Variants in KCNAB3 observed in about 807,000 individuals in gnomAD.
KCNAB3 encodes the protein voltage-gated potassium channel subunit beta-3.
In KCNAB3, 62 loss-of-function variants were observed where a neutral mutation model predicts 67.7. That is an observed-to-expected ratio of 0.92 (90% CI 0.75 to 1.13). The LOEUF is 1.13. Among genes scored for constraint, KCNAB3 ranks in the 50% most tolerant of loss-of-function variants. The probability of loss-of-function intolerance (pLI) is 0.00; values close to 1 mark genes in which losing one functional copy is unlikely to be tolerated. For missense variants in KCNAB3, 514 were observed against 522.9 expected (o/e 0.98, Z 0.17); for synonymous variants, 212 against 205.4 (o/e 1.03, Z -0.27).
At chr17:7,923,571 G>C (rs1163246152) in intron 12 of KCNAB3, 27 bp from the exon 13 acceptor site, 1 of 1,577,456 alleles carries the variant, frequency 6.3e-7, no homozygotes, top group Admixed American at 1.8e-5. Flanking sequence ...AAAAAAAGAG[G>C]ACTGATGGGG....
chr17:7,923,558 AG>A lies in KCNAB3; in HGVS notation c.1049-15del. On this transcript the variant is annotated splice_polypyrimidine_tract_variant and intron_variant, in intron 12 of 13. Coordinates refer to ENST00000303790, the MANE Select transcript of KCNAB3 (RefSeq NM_004732.4). Reference sequence around the variant, plus strand: ...GGAGACACCACGCTGGGGCCAGAGGAGGAAAAAAAGAGGACTGATGGGGAAC... The same window carrying A: ...GGAGACACCACGCTGGGGCCAGAGGAGAAAAAAAGAGGACTGATGGGGAAC... The A allele has an allele frequency of 6.3e-7, 1 of 1,592,010 alleles. No homozygotes were observed. The highest frequency in any genetic ancestry group is 8.6e-7 in the Non-Finnish European group (1 of 1,169,126).
At position 7,924,272 on chromosome 17, in the gene KCNAB3, T is replaced by C; in HGVS notation, c.712-7A>G. 1 of 1,614,040 alleles carries C rather than the reference T, an allele frequency of 6.2e-7. No individual in the cohort carries two copies. Among genetic ancestry groups the C allele is most frequent in the South Asian group, 1.1e-5 (1 of 91,070 alleles). ...TGGCCATGGAGTAGGCCTCCTGGGT[T>C]GGGGTTGGGGAAAAGAAAGTGGTCA... On this transcript the variant is annotated splice_polypyrimidine_tract_variant and splice_region_variant and intron_variant, in intron 9 of 13. Coordinates refer to ENST00000303790, the MANE Select transcript of KCNAB3 (RefSeq NM_004732.4).
rs745769678 is a variant in KCNAB3 at position 7,929,418 on chromosome 17, C to T, written c.18G>A (p.Ala6=). 29 of 1,547,926 alleles carry T rather than the reference C, an allele frequency of 1.9e-5. No individual in the cohort carries two copies. Among genetic ancestry groups the T allele is most frequent in the Non-Finnish European group, 2.4e-5 (28 of 1,146,358 alleles). Residue 6 remains alanine (A), a synonymous_variant, in exon 1 of 14, where the codon GCG becomes GCA. Coordinates refer to ENST00000303790, the MANE Select transcript of KCNAB3 (RefSeq NM_004732.4). This position sits in a 1 kb window ranked among gnomAD's most constrained non-coding sequence, Gnocchi z 5.7. ...GGCTGCGAAGGTTCTGCTCGGTACA[C>T]GCGATAGACACCTGCATGCTGGCTG... The part of the protein sequence containing the change: MQVSI[A]CTEQNLRSRS...
Position 7,923,071 on chromosome 17 carries a change from C to T in KCNAB3, c.*31G>A, listed in dbSNP as rs780625367. The T allele has an allele frequency of 1.2e-6, 2 of 1,607,758 alleles. No homozygotes were observed. The highest frequency in any genetic ancestry group is 1.7e-6 in the Non-Finnish European group (2 of 1,174,372). ...AGCGGGGCTCGGGCGGGTGCAGCGA[C>T]ACCGGGTTGGGTCCCTGCGCCCGCG... On this transcript the variant is annotated 3_prime_UTR_variant, in exon 14 of 14. Coordinates refer to ENST00000303790, the MANE Select transcript of KCNAB3 (RefSeq NM_004732.4).
intron 13 of KCNAB3, 98 bp from the exon 14 acceptor site, chr17:7,923,277 AGTG>A: frequency 7.4e-7 from 1 of 1,348,376 alleles, no homozygotes; most frequent in Non-Finnish European, 1.1e-6. Flanking sequence ...AGTGGGGTCA[AGTG>A]GCAAGGCAAG....
intron 7 of KCNAB3, 70 bp downstream of exon 7, chr17:7,925,613 T>C: frequency 6.7e-7 from 1 of 1,498,832 alleles, no homozygotes; most frequent in South Asian, 1.1e-5. Context: ...CTCCAGAAGT[T>C]CAGAGAATGT....
At position 7,929,626 on chromosome 17, in the gene KCNAB3, G is replaced by T; in HGVS notation, c.-191C>A. ...GGCTGCTGGAGGTCGCGAGGTTTGC[G>T]GCGGGAGGGAAGAAACGTGGGGGGC... On this transcript the variant is annotated 5_prime_UTR_variant, in exon 1 of 14. Transcript: ENST00000303790. This position sits in a 1 kb window ranked among gnomAD's most constrained non-coding sequence, Gnocchi z 5.7. The T allele has an allele frequency of 7.0e-7, 1 of 1,430,270 alleles. No individual in the cohort carries two copies. 88.6% of individuals were successfully genotyped at this position (1,430,270 alleles called of 1,614,324 possible). A position where few individuals can be genotyped will look rare whatever the true frequency, so the allele number is the denominator to read the frequency against.
In KCNAB3 at chr17:7,929,364, G is replaced by C. The variant is rs1408769838; in HGVS notation, c.72C>G (p.Pro24=). The change falls in exon 1 of 14, where the codon CCC becomes CCG. Residue 24 remains proline (P), a synonymous_variant. Transcript: ENST00000303790. The surrounding 1 kb of genome is among the most constrained non-coding windows in gnomAD (Gnocchi z 5.7). ...CATTACCGCCCCCGGGGCCCGGCCGGGGTCCACACAGACGGTCCTCACTGC... is the reference window on the plus strand; with the variant it reads ...CATTACCGCCCCCGGGGCCCGGCCGCGGTCCACACAGACGGTCCTCACTGC... ...SRSSEDRLCG[P]RPGPGGGNGG... 18 of 1,549,266 alleles carry C rather than the reference G, an allele frequency of 1.2e-5. No homozygotes were observed. Among genetic ancestry groups the C allele is most frequent in the Non-Finnish European group, 1.6e-5 (18 of 1,146,702 alleles).
chr17:7,929,211 G>T lies in KCNAB3; in HGVS notation c.225C>A (p.Gly75=). The T allele has an allele frequency of 6.2e-7, 1 of 1,611,970 alleles. No homozygotes were observed. Among genetic ancestry groups the T allele is most frequent in the Non-Finnish European group, 8.5e-7 (1 of 1,179,586 alleles). The change falls in exon 1 of 14, where the codon GGC becomes GGA. Residue 75 remains glycine (G), a synonymous_variant. Transcript: ENST00000303790. This position sits in a 1 kb window ranked among gnomAD's most constrained non-coding sequence, Gnocchi z 5.7. ...CCCCATACCTGTATTTCATGCCAGTGCCTCGGCCGGTGCTCTCTCGGAGGG... is the reference window on the plus strand; with the variant it reads ...CCCCATACCTGTATTTCATGCCAGTTCCTCGGCCGGTGCTCTCTCGGAGGG... ...AGALRESTGR[G]TGMKYRNLGK... is the part of the protein sequence containing the mutation.
In KCNAB3 at chr17:7,929,220, G is replaced by A. The variant is rs763407449; in HGVS notation, c.216C>T (p.Thr72=). ...TGTATTTCATGCCAGTGCCTCGGCC[G>A]GTGCTCTCTCGGAGGGCCCCAGCGG... ...PAPAGALRES[T]GRGTGMKYRN... The change falls in exon 1 of 14, where the codon ACC becomes ACT. Residue 72 remains threonine, a synonymous_variant. Coordinates refer to ENST00000303790, the MANE Select transcript of KCNAB3 (RefSeq NM_004732.4). The surrounding 1 kb of genome is among the most constrained non-coding windows in gnomAD (Gnocchi z 5.7). 6.2e-6 allele frequency: 10 copies of A among 1,611,566 alleles called. No individual in the cohort carries two copies. The highest frequency in any genetic ancestry group is 2.2e-5 in the East Asian group (1 of 44,816).
In KCNAB3 at chr17:7,929,753, G is replaced by A. The variant is rs1972364075; in HGVS notation, c.-318C>T. 1 of 1,219,762 alleles carries A rather than the reference G, an allele frequency of 8.2e-7. No individual in the cohort carries two copies. The highest frequency in any genetic ancestry group is 1.0e-6 in the Non-Finnish European group (1 of 971,794). 75.6% of individuals were successfully genotyped at this position (1,219,762 alleles called of 1,614,324 possible). A position where few individuals can be genotyped will look rare whatever the true frequency, so the allele number is the denominator to read the frequency against. ...CGAGGATGAGGTAAAGGTCTCGGAG[G>A]ATAAGGACCCAGGGGGAAGCGGGGC... On this transcript the variant is annotated 5_prime_UTR_variant, in exon 1 of 14. Coordinates refer to ENST00000303790, the MANE Select transcript of KCNAB3 (RefSeq NM_004732.4). This position sits in a 1 kb window ranked among gnomAD's most constrained non-coding sequence, Gnocchi z 5.7.
intron 13 of KCNAB3, 60 bp downstream of exon 13, chr17:7,923,396 C>G (rs1030023836): frequency 6.6e-7 from 1 of 1,516,482 alleles, no homozygotes; most frequent in Non-Finnish European, 9.0e-7. Flanking sequence ...GGTTGGATAG[C>G]GTGGCTTTGA....
chr17:7,923,397 G>T, intron 13 of KCNAB3, 59 bp downstream of exon 13: 1 of 1,522,946 alleles, frequency 6.6e-7, no homozygotes, highest in Non-Finnish European at 9.0e-7. Flanking sequence ...GTTGGATAGC[G>T]TGGCTTTGAC....
chr17:7,924,768 G>GTGAGACCCT, intron 8 of KCNAB3: 4 of 1,058,356 alleles, frequency 3.8e-6, no homozygotes, highest in South Asian at 2.4e-5. Context: ...TTTGAGACAG[G>GTGAGACCCT]GTCTCACTCT....
At chr17:7,928,098 G>T in intron 1 of KCNAB3, 1 of 574,324 alleles carries the variant, frequency 1.7e-6, no homozygotes, top group Admixed American at 3.0e-5. Flanking sequence ...AAGACGTGCA[G>T]TCTGGTTTGT....
rs147020421 is a variant in KCNAB3, at chr17:7,925,717, G to C, written c.504C>G (p.Thr168=). The change falls in exon 7 of 14, where the codon ACC becomes ACG. Residue 168 remains threonine, a synonymous_variant. Coordinates refer to ENST00000303790, the MANE Select transcript of KCNAB3 (RefSeq NM_004732.4). ...TKIFWGGQAE[T]ERGLSRKHII... ...TGTGCTTTCGGCTTAAACCTCGCTC[G>C]GTTTCTGCCCTGTAGGAAAAGGTAA... The C allele has an allele frequency of 6.2e-7, 1 of 1,613,944 alleles. No homozygotes were observed. Among genetic ancestry groups the C allele is most frequent in the South Asian group, 1.1e-5 (1 of 91,064 alleles).
chr17:7,922,150 A>C lies in KCNAB3; in HGVS notation c.*952T>G, dbSNP rs1393712074. The C allele has an allele frequency of 6.6e-6, 1 of 152,020 alleles. No individual in the cohort carries two copies. Among genetic ancestry groups the C allele is most frequent in the Non-Finnish European group, 1.5e-5 (1 of 68,020 alleles). The allele number at this position is 152,020 out of a possible 1,614,324, so 9.4% of individuals were successfully genotyped here. A position where few individuals can be genotyped will look rare whatever the true frequency, so the allele number is the denominator to read the frequency against. ...CCAGACAAGTGAGACTGTGACCCTA[A>C]CCTCCCAAGCCCCTGCAACTTTAGA... On this transcript the variant is annotated 3_prime_UTR_variant, in exon 14 of 14. Coordinates refer to ENST00000303790, the MANE Select transcript of KCNAB3 (RefSeq NM_004732.4).
intron 4 of KCNAB3, among the ~76,000 whole-genome samples, chr17:7,926,932 T>G (rs935709797): frequency 6.6e-6 from 1 of 152,056 alleles, no homozygotes; most frequent in South Asian, 2.1e-4. Context: ...TCTGGGGAGT[T>G]GGGCAAAGTT....
chr17:7,927,912 G>A, intron 1 of KCNAB3, 86 bp from the exon 2 acceptor site: 2 of 1,530,862 alleles, frequency 1.3e-6, no homozygotes, highest in Middle Eastern at 2.3e-4. Context: ...CTTCCAGACT[G>A]AGAAGCCCTC....
Sources: allele counts gnomAD v4.1 joint callset (sites outside exome capture counted in the v4.1 genomes callset), GRCh38; gene constraint gnomAD v4.1.1; non-coding constraint Gnocchi (gnomAD v3.1); transcripts MANE v1.5; gene names NCBI Gene and HGNC (gene_info 2026-07-23, HGNC 2026-07-21).